Variants in RIMS1 observed in about 807,000 individuals in gnomAD.
The protein encoded by RIMS1 is regulating synaptic membrane exocytosis protein 1.
In RIMS1, 83 loss-of-function variants were observed where a neutral mutation model predicts 214.1. The ratio of observed to expected loss-of-function variants is 0.39; its 90% confidence interval spans 0.32 to 0.47. RIMS1 has a LOEUF of 0.47. Among genes scored for constraint, RIMS1 ranks in the 20% least tolerant of loss-of-function variants. The probability of loss-of-function intolerance (pLI) is 0.99; values close to 1 mark genes in which losing one functional copy is unlikely to be tolerated. For missense variants in RIMS1, 2,050 were observed against 2,161.8 expected (o/e 0.95, Z 1.03); for synonymous variants, 793 against 786.8 (o/e 1.01, Z -0.13).
intron 4 of RIMS1, among the ~76,000 whole-genome samples, chr6:72,110,947 T>A (rs1393319218): frequency 6.6e-6 from 1 of 152,214 alleles, no homozygotes; most frequent in Non-Finnish European, 1.5e-5. Context: ...GTGGATATGG[T>A]GTATAAAAGG....
chr6:72,011,419 G>T (rs933188939), intron 2 of RIMS1, among the ~76,000 whole-genome samples: 1 of 152,194 alleles, frequency 6.6e-6, no homozygotes, highest in African/African-American at 2.4e-5. Flanking sequence ...ATAGGCATGA[G>T]CAAGGACATC....
At chr6:71,940,579 A>T (rs1286092656) in intron 1 of RIMS1, among the ~76,000 whole-genome samples, 1 of 152,194 alleles carries the variant, frequency 6.6e-6, no homozygotes, top group African/African-American at 2.4e-5. Flanking sequence ...TTTATTCAAG[A>T]CTATTGCAAT....
At chr6:71,928,432 A>G (rs1223772308) in intron 1 of RIMS1, among the ~76,000 whole-genome samples, 1 of 152,074 alleles carries the variant, frequency 6.6e-6, no homozygotes, top group African/African-American at 2.4e-5. Flanking sequence ...TTCTACATAT[A>G]TCCTCTAAAC....
intron 2 of RIMS1, among the ~76,000 whole-genome samples, chr6:72,013,399 A>G (rs1811555339): frequency 6.6e-6 from 1 of 152,234 alleles, no homozygotes; most frequent in Non-Finnish European, 1.5e-5. Flanking sequence ...TCCAGTGTAT[A>G]TATTAACTGT....
chr6:71,939,586 G>A (rs1044421395), intron 1 of RIMS1, among the ~76,000 whole-genome samples: 1 of 152,180 alleles, frequency 6.6e-6, no homozygotes, highest in Admixed American at 6.5e-5. Context: ...TCAAGATGGA[G>A]GGGCTGCATC....
chr6:71,992,400 C>CTTTCTTTCTTTCTTTCTT (rs1554175112), intron 2 of RIMS1, among the ~76,000 whole-genome samples: 2 of 87,794 alleles, frequency 2.3e-5, no homozygotes, highest in Non-Finnish European at 4.8e-5. Context: ...TTCTTTCTCT[C>CTTTCTTTCTTTCTTTCTT]TCTCTCTTTC....
chr6:72,049,687 A>G (rs959000443), intron 2 of RIMS1, among the ~76,000 whole-genome samples: 1 of 152,242 alleles, frequency 6.6e-6, no homozygotes, highest in African/African-American at 2.4e-5. Flanking sequence ...CTTTGTAGAC[A>G]TACGGCTTTC....
intron 26 of RIMS1, among the ~76,000 whole-genome samples, chr6:72,301,801 C>T (rs1220627148): frequency 1.3e-5 from 2 of 151,420 alleles, no homozygotes; most frequent in East Asian, 1.9e-4. Flanking sequence ...AATTTTGGTA[C>T]ATGTGGTGGG....
chr6:72,037,357 G>A (rs945706792), intron 2 of RIMS1, among the ~76,000 whole-genome samples: 1 of 152,096 alleles, frequency 6.6e-6, no homozygotes, highest in African/African-American at 2.4e-5. Flanking sequence ...AATGAGAAAT[G>A]TAATCCAGGG....
intron 1 of RIMS1, among the ~76,000 whole-genome samples, chr6:71,902,069 G>T (rs73748931): frequency 0.035 from 5,373 of 152,152 alleles, 318 homozygotes; most frequent in African/African-American, 0.12. Context: ...CTTTAAGATA[G>T]AATTTAAATG....
chr6:71,917,249 A>G (rs1321010857), intron 1 of RIMS1, among the ~76,000 whole-genome samples: 1 of 152,216 alleles, frequency 6.6e-6, no homozygotes, highest in Non-Finnish European at 1.5e-5. Flanking sequence ...ATGTATCATT[A>G]TATGAGGTAA....
chr6:72,313,877 C>T (rs1303890496), intron 28 of RIMS1, among the ~76,000 whole-genome samples: 4 of 152,174 alleles, frequency 2.6e-5, no homozygotes, highest in Non-Finnish European at 4.4e-5. Flanking sequence ...TTTTAGAGAT[C>T]ACTCTGAGTC....
intron 33 of RIMS1, among the ~76,000 whole-genome samples, chr6:72,400,071 T>TGA (rs2098823830): frequency 6.6e-6 from 1 of 152,156 alleles, no homozygotes; most frequent in African/African-American, 2.4e-5. Context: ...GGTACATACA[T>TGA]TCCATGGTAT....
intron 22 of RIMS1, among the ~76,000 whole-genome samples, chr6:72,273,176 A>G (rs974385191): frequency 6.6e-6 from 1 of 152,102 alleles, no homozygotes; most frequent in African/African-American, 2.4e-5. Context: ...ATGACCTCGC[A>G]TATCCTGAGT....
chr6:71,980,405 G>A (rs1187185613), intron 2 of RIMS1, among the ~76,000 whole-genome samples: 1 of 152,126 alleles, frequency 6.6e-6, no homozygotes, highest in Non-Finnish European at 1.5e-5. Context: ...CATTATTAAT[G>A]TGGGTAAAAG....
intron 6 of RIMS1, among the ~76,000 whole-genome samples, chr6:72,195,598 T>G (rs1351292571): frequency 6.6e-6 from 1 of 152,120 alleles, no homozygotes; most frequent in Non-Finnish European, 1.5e-5. Context: ...CGGGAACTCT[T>G]ATAAGATGAT....
At chr6:72,339,527 T>C (rs2096970346) in intron 29 of RIMS1, among the ~76,000 whole-genome samples, 1 of 151,656 alleles carries the variant, frequency 6.6e-6, no homozygotes, top group South Asian at 2.1e-4. Context: ...AGTGAGAACA[T>C]GCAGTGTTTG....
chr6:72,377,567 C>G (rs768056570), intron 29 of RIMS1, among the ~76,000 whole-genome samples: 1 of 152,088 alleles, frequency 6.6e-6, no homozygotes, highest in Admixed American at 6.5e-5. Flanking sequence ...AAAGCAAGAA[C>G]AGAGTAGGGC....
intron 4 of RIMS1, among the ~76,000 whole-genome samples, chr6:72,120,540 A>G (rs2038047632): frequency 6.6e-6 from 1 of 151,994 alleles, no homozygotes; most frequent in African/African-American, 2.4e-5. Flanking sequence ...TTCTTTGCAG[A>G]TTCTGGATAT....
Sources: gnomAD v4.1 joint callset for allele counts (sites outside exome capture counted in the v4.1 genomes callset) on GRCh38, gnomAD v4.1.1 for gene constraint, MANE v1.5 for transcripts, NCBI Gene and HGNC (gene_info 2026-07-23, HGNC 2026-07-21) for gene names.